NCK2: variants seen among roughly 807,000 people sequenced by gnomAD.
NCK2 encodes cytoplasmic protein NCK2.
In NCK2, 16 loss-of-function variants were observed where a neutral mutation model predicts 33.9. The observed-to-expected ratio is 0.47, with a 90% confidence interval of 0.32 to 0.72. NCK2 has a LOEUF of 0.72. Among genes scored for constraint, NCK2 ranks in the 30% least tolerant of loss-of-function variants. The pLI, the probability that NCK2 is intolerant of heterozygous loss-of-function variation, is 0.03. For missense variants in NCK2, 418 were observed against 537.3 expected (o/e 0.78, Z 2.19); for synonymous variants, 273 against 239.9 (o/e 1.14, Z -1.27).
intron 3 of NCK2, among the ~76,000 whole-genome samples, chr2:105,876,289 A>T (rs895225080): frequency 6.6e-6 from 1 of 152,226 alleles, no homozygotes; most frequent in Non-Finnish European, 1.5e-5. Flanking sequence ...AAGTCTTGCT[A>T]AAACACATGA....
At chr2:105,760,234 C>T (rs1689725557) in intron 1 of NCK2, among the ~76,000 whole-genome samples, 1 of 152,234 alleles carries the variant, frequency 6.6e-6, no homozygotes, top group Admixed American at 6.5e-5. Flanking sequence ...GTGGCACAGA[C>T]AGCCCCTTGG....
At chr2:105,849,786 C>T (rs1676991538) in intron 2 of NCK2, among the ~76,000 whole-genome samples, 1 of 152,132 alleles carries the variant, frequency 6.6e-6, no homozygotes, top group Non-Finnish European at 1.5e-5. Flanking sequence ...TCAGTAAATC[C>T]TAGTTAAATG....
intron 1 of NCK2, among the ~76,000 whole-genome samples, chr2:105,808,623 G>A (rs1266719886): frequency 3.3e-5 from 5 of 152,174 alleles, no homozygotes; most frequent in African/African-American, 4.8e-5. Context: ...GGAGTGCCAC[G>A]TGACTGCAGG....
chr2:105,881,294 C>CCCTG (rs747525415), intron 3 of NCK2, 34 bp from the exon 4 acceptor site: 2 of 1,550,314 alleles, frequency 1.3e-6, no homozygotes, highest in South Asian at 2.4e-5. Flanking sequence ...TGCCCAAGTG[C>CCCTG]CCTGCGCCAC....
At chr2:105,873,320 A>C (rs56124558) in intron 3 of NCK2, among the ~76,000 whole-genome samples, 203 of 152,296 alleles carry the variant, frequency 1.3e-3, no homozygotes, top group Non-Finnish European at 2.5e-3. Context: ...ACCCTAAGTC[A>C]ACTCTGAGAG....
In NCK2 at chr2:105,790,146, C is replaced by T. The variant is rs1412122949; in HGVS notation, c.-200-26284C>T. Among the ~76,000 whole-genome samples the T allele has an allele frequency of 2.0e-5, 3 of 152,260 alleles. No homozygotes were observed. The East Asian group carries it at 5.8e-4, about 29-fold the overall frequency. Reference sequence around the variant, plus strand: ...TTTGTGAGCTAAAAATACGGGCAGCCGTTTCTTCTTCATCAAAGCCCACAA... The same window carrying T: ...TTTGTGAGCTAAAAATACGGGCAGCTGTTTCTTCTTCATCAAAGCCCACAA... On this transcript the variant is annotated intron_variant, in intron 1 of 4. Transcript: ENST00000233154.
intron 1 of NCK2, among the ~76,000 whole-genome samples, chr2:105,801,681 C>T (rs1322365351): frequency 6.6e-6 from 1 of 151,954 alleles, no homozygotes; most frequent in East Asian, 1.9e-4. Flanking sequence ...TGTTCTTTGG[C>T]AGGCTCATCT....
intron 3 of NCK2, among the ~76,000 whole-genome samples, chr2:105,876,727 C>T (rs1341887239): frequency 1.3e-5 from 2 of 152,146 alleles, no homozygotes; most frequent in African/African-American, 4.8e-5. Context: ...CAACTGGAAG[C>T]AGTAGGTGGT....
chr2:105,764,566 G>A (rs1689873763), intron 1 of NCK2, among the ~76,000 whole-genome samples: 1 of 152,206 alleles, frequency 6.6e-6, no homozygotes. Context: ...TGGGGTTTCA[G>A]CAGTACCAGG....
intron 2 of NCK2, among the ~76,000 whole-genome samples, chr2:105,837,792 A>G (rs551518305): frequency 6.6e-6 from 1 of 152,328 alleles, no homozygotes; most frequent in South Asian, 2.1e-4. Flanking sequence ...CCCATCTACT[A>G]TAAAATGGGA....
At chr2:105,796,300 T>C (rs757856192) in intron 1 of NCK2, among the ~76,000 whole-genome samples, 1 of 152,230 alleles carries the variant, frequency 6.6e-6, no homozygotes, top group Non-Finnish European at 1.5e-5. Flanking sequence ...TGTTTTGTCA[T>C]TGATGGCACA....
intron 2 of NCK2, among the ~76,000 whole-genome samples, chr2:105,844,953 T>C (rs1676800066): frequency 1.3e-5 from 2 of 152,114 alleles, no homozygotes; most frequent in African/African-American, 4.8e-5. Context: ...GCATTTATTG[T>C]TCCAAACTCA....
chr2:105,804,576 T>A (rs1478241551), intron 1 of NCK2, among the ~76,000 whole-genome samples: 2 of 152,204 alleles, frequency 1.3e-5, no homozygotes, highest in African/African-American at 4.8e-5. Flanking sequence ...TGAATGGCTT[T>A]ATGGATGGCA....
intron 1 of NCK2, among the ~76,000 whole-genome samples, chr2:105,769,009 C>G (rs1690038923): frequency 6.6e-6 from 1 of 151,916 alleles, no homozygotes; most frequent in Admixed American, 6.6e-5. Flanking sequence ...CAGAAAGTTC[C>G]CACTCTCTAA....
At chr2:105,842,312 C>G (rs1282654054) in intron 2 of NCK2, among the ~76,000 whole-genome samples, 1 of 143,546 alleles carries the variant, frequency 7.0e-6, no homozygotes, top group Non-Finnish European at 1.6e-5. Context: ...TCTTGAACTC[C>G]TGACCTCAGG....
At position 105,855,165 on chromosome 2, in the gene NCK2, C is replaced by T. The variant is rs758291179; in HGVS notation, c.102C>T (p.Asp34=). Residue 34 remains aspartate (D), a synonymous_variant, in exon 3 of 5, where the codon GAC becomes GAT. Coordinates refer to ENST00000233154, the MANE Select transcript of NCK2 (RefSeq NM_003581.5). Reference sequence around the variant, plus strand: ...ACGAGCGGCTGTGGTTGCTGGACGACTCCAAGACGTGGTGGCGGGTGAGGA... The same window carrying T: ...ACGAGCGGCTGTGGTTGCTGGACGATTCCAAGACGTGGTGGCGGGTGAGGA... The part of the protein sequence containing the change: ...KKNERLWLLD[D]SKTWWRVRNA... 5 of 1,614,060 alleles carry T rather than the reference C, an allele frequency of 3.1e-6. No individual in the cohort carries two copies. The African/African-American group carries it at 6.7e-5, about 22-fold the overall frequency.
chr2:105,762,966 A>G (rs1470773065), intron 1 of NCK2, among the ~76,000 whole-genome samples: 1 of 152,202 alleles, frequency 6.6e-6, no homozygotes, highest in South Asian at 2.1e-4. Context: ...AGGCCGACGT[A>G]GGCGGATTGC....
chr2:105,844,740 G>A (rs974563569), intron 2 of NCK2, among the ~76,000 whole-genome samples: 5 of 75,926 alleles, frequency 6.6e-5, no homozygotes, highest in African/African-American at 2.9e-4. Flanking sequence ...GTCTTGGGGC[G>A]GGGGGGGATA....
In NCK2 at chr2:105,859,296, A is replaced by G. The variant is rs546652146; in HGVS notation, c.226+4007A>G. The stretch of plus-strand genomic sequence containing the variant: ...AACATAGGCTTAAGGGCTGACTCAC[A>G]TTACCCAAAAAGTTACGGTTCCATT... On this transcript the variant is annotated intron_variant, in intron 3 of 4. Coordinates refer to ENST00000233154, the MANE Select transcript of NCK2 (RefSeq NM_003581.5). Among the ~76,000 whole-genome samples, 3 of 152,272 alleles carry G rather than the reference A, an allele frequency of 2.0e-5. No individual in the cohort carries two copies. The East Asian group carries it at 5.8e-4, about 29-fold the overall frequency.
Sources: allele counts gnomAD v4.1 joint callset (sites outside exome capture counted in the v4.1 genomes callset), GRCh38; gene constraint gnomAD v4.1.1; transcripts MANE v1.5; gene names NCBI Gene and HGNC (gene_info 2026-07-23, HGNC 2026-07-21).